The following WDR90 variants were observed in gnomAD, a reference collection of about 807,000 sequenced individuals.
WDR90 encodes WD repeat-containing protein 90.
A neutral mutation model predicts 195.2 loss-of-function variants in WDR90; 238 were observed. The ratio of observed to expected loss-of-function variants is 1.22; its 90% CI spans 1.10 to 1.36. The LOEUF is 1.36. Ranked by LOEUF, WDR90 falls within the 40% of genes most tolerant of loss-of-function variation. The probability of loss-of-function intolerance (pLI) is 0.00; values close to 1 mark genes in which losing one functional copy is unlikely to be tolerated. For missense variants in WDR90, 2,734 were observed against 2,439.5 expected (o/e 1.12, Z -2.54); for synonymous variants, 1,265 against 1,052.4 (o/e 1.20, Z -3.91).
At chr16:649,324 G>A (rs1206659855), upstream of WDR90, 12 of 1,295,172 alleles carry the variant, frequency 9.3e-6, no homozygotes, top group Non-Finnish European at 9.8e-6. Flanking sequence ...GGCGGAAGTG[G>A]CACCGTTGCC....
intron 23 of WDR90, 89 bp downstream of exon 23, chr16:658,742 G>A (rs991778143): frequency 1.9e-6 from 3 of 1,562,826 alleles, no homozygotes; most frequent in Admixed American, 3.6e-5. Context: ...TGGGGGCAGG[G>A]AGAGCAGAAG....
chr16:662,356 T>C, intron 33 of WDR90, 25 bp downstream of exon 33: 1 of 1,545,692 alleles, frequency 6.5e-7, no homozygotes, highest in Non-Finnish European at 8.7e-7. Context: ...CCTACGTGTT[T>C]TGGCTGCACG....
intron 27 of WDR90, 56 bp downstream of exon 27, chr16:660,217 G>C: frequency 7.1e-7 from 1 of 1,413,376 alleles, no homozygotes; most frequent in Non-Finnish European, 9.4e-7. Flanking sequence ...GAGGCCCCCC[G>C]CAGGGCTCCC....
At position 661,982 on chromosome 16, in the gene WDR90, G is replaced by C. The variant is rs747638701; in HGVS notation, c.3956G>C (p.Ser1319Thr). Residue 1319 changes from serine to threonine, a missense_variant, in exon 32 of 41, where the codon AGC becomes ACC. Coordinates refer to ENST00000293879, the MANE Select transcript of WDR90 (RefSeq NM_145294.5). ...GAPPLLYCGT[S>T]SGQVCVWDTR... ...CCTCCCCTGCTCTATTGTGGCACCA[G>C]CTCTGGCCAGGTCTGTGTCTGGGAC... is the stretch of plus-strand genomic sequence containing the variant. 19 of 1,605,756 alleles carry C rather than the reference G, an allele frequency of 1.2e-5. No individual in the cohort carries two copies. In the South Asian group the frequency reaches 1.9e-4, roughly 16 times the overall value.
chr16:660,897 A>G, intron 28 of WDR90, 154 bp from the exon 29 acceptor site: 1 of 741,670 alleles, frequency 1.3e-6, no homozygotes, highest in Non-Finnish European at 1.8e-6. Context: ...TGGCTACTGG[A>G]CGCTGGGGAG....
rs753177498 is a variant in WDR90 at position 656,732 on chromosome 16, C to G, written c.2203C>G (p.Leu735Val). 4 of 1,612,532 alleles carry G rather than the reference C, an allele frequency of 2.5e-6. No homozygotes were observed. The South Asian group carries it at 4.4e-5, about 18-fold the overall frequency. The change falls in exon 19 of 41, where the codon CTA becomes GTA. Residue 735 changes from leucine to valine, a missense_variant and splice_region_variant. Transcript: ENST00000293879. ...RIWDLATLQQ[L>V]YDFTSSEDAP... ...CCTCAGCACGGCCCCTGTCCCACAGCTATACGACTTCACATCATCAGAGGA... is the reference window on the plus strand; with the variant it reads ...CCTCAGCACGGCCCCTGTCCCACAGGTATACGACTTCACATCATCAGAGGA...
intron 10 of WDR90, 78 bp downstream of exon 10, chr16:652,613 G>C: frequency 3.5e-6 from 5 of 1,439,638 alleles, no homozygotes; most frequent in Non-Finnish European, 1.9e-6. Context: ...GGAGAGAGGA[G>C]AGACCTATGT....
At chr16:664,054 T>C (rs969068356) in intron 34 of WDR90, among the ~76,000 whole-genome samples, 1 of 152,170 alleles carries the variant, frequency 6.6e-6, no homozygotes, top group Non-Finnish European at 1.5e-5. Context: ...GCAAAGAAAG[T>C]TGAGTTTGAG....
chr16:656,273 G>A, intron 17 of WDR90, 29 bp from the exon 18 acceptor site: 3 of 1,583,030 alleles, frequency 1.9e-6, no homozygotes, highest in Non-Finnish European at 2.6e-6. Flanking sequence ...GGGTGGCCCT[G>A]GAGGCCCCTG....
intron 13 of WDR90, chr16:654,751 C>T (rs555602701): frequency 1.0e-5 from 5 of 480,116 alleles, no homozygotes; most frequent in African/African-American, 7.8e-5. Context: ...TGCCCAGCCA[C>T]GAGCTGCTTT....
At position 667,508 on chromosome 16, in the gene WDR90, G is replaced by A; in HGVS notation, c.5166G>A (p.Leu1722=). 1.9e-6 allele frequency: 3 copies of A among 1,612,584 alleles called. No individual in the cohort carries two copies. The highest frequency in any genetic ancestry group is 2.5e-6 in the Non-Finnish European group (3 of 1,179,948). The change falls in exon 41 of 41, where the codon CTG becomes CTA. Residue 1722 remains leucine (L), a synonymous_variant. Transcript: ENST00000293879. Reference sequence around the variant, plus strand: ...CCGGCCACGACAACGCAGTGCACCTGTGCAGGTTTACACCGTCCGCCAGGC... The same window carrying A: ...CCGGCCACGACAACGCAGTGCACCTATGCAGGTTTACACCGTCCGCCAGGC... ...DFAGHDNAVH[L]CRFTPSARLL...
chr16:659,105 G>C lies in WDR90; in HGVS notation c.3031G>C (p.Ala1011Pro), dbSNP rs368701693. The C allele has an allele frequency of 2.9e-5, 46 of 1,611,864 alleles. No individual in the cohort carries two copies. The highest frequency in any genetic ancestry group is 4.0e-5 in the African/African-American group (3 of 74,856). Residue 1011 changes from alanine to proline, a missense_variant, in exon 25 of 41, where the codon GCC becomes CCC. Coordinates refer to ENST00000293879, the MANE Select transcript of WDR90 (RefSeq NM_145294.5). ...CTCCAGCGACCAAAGCTTCCCCGGG[G>C]CCCCCCCAGCCTGCAAGACAGGTGA... ...PTESDQSFPG[A>P]PPACKTGPGA...
intron 13 of WDR90, chr16:654,043 C>A: frequency 1.7e-6 from 1 of 580,924 alleles, no homozygotes; most frequent in Non-Finnish European, 3.0e-6. Flanking sequence ...TCGGTTTAAG[C>A]CAGCGTTTAC....
Position 652,027 on chromosome 16 carries a change from C to T in WDR90, c.1041C>T (p.Thr347=), listed in dbSNP as rs548111138. 2.2e-4 allele frequency: 358 copies of T among 1,594,736 alleles called. 1 individual carries two copies. The South Asian group carries it at 2.4e-3, about 11-fold the overall frequency. The change falls in exon 9 of 41, where the codon ACC becomes ACT. Residue 347 remains threonine, a synonymous_variant. Coordinates refer to ENST00000293879, the MANE Select transcript of WDR90 (RefSeq NM_145294.5). ...CGGCTGAGGTGCCCGTGGCCCGCACCGGCTCCTGCGAAGTGAGTGCCCATC... is the reference window on the plus strand; with the variant it reads ...CGGCTGAGGTGCCCGTGGCCCGCACTGGCTCCTGCGAAGTGAGTGCCCATC... The part of the protein sequence containing the change: ...HESAEVPVAR[T]GSCEGFLPDP...
At chr16:657,336 G>GT (rs2037781850) in intron 20 of WDR90, 115 bp downstream of exon 20, 8 of 1,403,010 alleles carry the variant, frequency 5.7e-6, no homozygotes, top group Non-Finnish European at 7.5e-6. Flanking sequence ...ACTGGGTCCT[G>GT]TGGGGGGGCG....
Position 661,000 on chromosome 16 carries a change from GCCCCCC to G in WDR90, c.3392-41_3392-36del, listed in dbSNP as rs1162402927. ...TCGGCCCCTCCCCAGGCCCCTCCCC[GCCCCCC>G]CCCCCCCCCGGCCCGGCCTCAGGCC... On this transcript the variant is annotated intron_variant, in intron 28 of 40. Transcript: ENST00000293879. 21 of 18,374 alleles carry G rather than the reference GCCCCCC, an allele frequency of 1.1e-3. 2 individuals carry two copies. Among genetic ancestry groups the G allele is most frequent in the Admixed American group, 6.1e-3 (3 of 488 alleles). 1.1% of individuals were successfully genotyped at this position (18,374 alleles called of 1,614,324 possible).
chr16:649,612 C>G lies in WDR90; in HGVS notation c.11-151C>G, dbSNP rs1164188364. 4 of 1,134,116 alleles carry G rather than the reference C, an allele frequency of 3.5e-6. No individual in the cohort carries two copies. The South Asian group carries it at 1.0e-4, about 29-fold the overall frequency. 70.3% of individuals were successfully genotyped at this position (1,134,116 alleles called of 1,614,324 possible). On this transcript the variant is annotated intron_variant, in intron 1 of 40. Transcript: ENST00000293879. The stretch of plus-strand genomic sequence containing the variant: ...AGCTTGGCTTCCCTCGGGCGCCCGG[C>G]CTCGTCCCGCCAGCCTAGCTGGCGT...
intron 34 of WDR90, among the ~76,000 whole-genome samples, chr16:664,078 GTTTAC>G (rs2037971701): frequency 6.6e-6 from 1 of 152,206 alleles, no homozygotes; most frequent in Non-Finnish European, 1.5e-5. Flanking sequence ...GGTGAGGGTT[GTTTAC>G]TTTTCTGGAA....
Position 655,047 on chromosome 16 carries a change from A to G in WDR90, c.1456A>G (p.Thr486Ala), listed in dbSNP as rs1381066584. The G allele has an allele frequency of 2.5e-6, 4 of 1,612,028 alleles. No individual in the cohort carries two copies. In the African/African-American group the frequency reaches 4.0e-5, roughly 16 times the overall value. ...GTTGCAGATGGTGGTGGCCTGGGGC[A>G]CCGGCCAGGTGGGCCTCGGTGGCGA... is the stretch of plus-strand genomic sequence containing the variant. ...HGRTMVVAWGTGQVGLGGEVV... is the reference protein window; with the variant it reads ...HGRTMVVAWGAGQVGLGGEVV... Residue 486 changes from threonine to alanine, a missense_variant, in exon 14 of 41, where the codon ACC becomes GCC. Physicochemically the swap from Thr to Ala is moderately conservative, Grantham distance 58 (BLOSUM62 0). Transcript: ENST00000293879.
Sources: gnomAD v4.1 joint callset for allele counts (sites outside exome capture counted in the v4.1 genomes callset) on GRCh38, gnomAD v4.1.1 for gene constraint, MANE v1.5 for transcripts, NCBI Gene and HGNC (gene_info 2026-07-23, HGNC 2026-07-21) for gene names.